Variants in RAI14 observed in about 807,000 individuals in gnomAD.
RAI14 encodes the protein ankycorbin.
A neutral mutation model predicts 115.4 loss-of-function variants in RAI14; 45 were observed. The ratio of observed to expected loss-of-function variants is 0.39; its 90% CI spans 0.31 to 0.50. RAI14 has a LOEUF of 0.50. RAI14 is among the 20% of genes least tolerant of loss of function. The pLI is 0.85. For synonymous variants in RAI14, 371 were observed against 415.4 expected (o/e 0.89, Z 1.30); for missense variants, 939 against 1,131.2 (o/e 0.83, Z 2.44).
chr5:34,668,928 C>T (rs1201996370), intron 1 of RAI14, among the ~76,000 whole-genome samples: 1 of 152,172 alleles, frequency 6.6e-6, no homozygotes, highest in Non-Finnish European at 1.5e-5. Flanking sequence ...ATCATCTCGG[C>T]TCACTGCAAC....
chr5:34,728,195 A>G (rs1201666167), intron 2 of RAI14, among the ~76,000 whole-genome samples: 2 of 152,234 alleles, frequency 1.3e-5, no homozygotes, highest in East Asian at 3.8e-4. Flanking sequence ...CACTGTATCT[A>G]GGAAGTAACC....
At chr5:34,765,506 C>T (rs1475188616) in intron 3 of RAI14, among the ~76,000 whole-genome samples, 1 of 152,102 alleles carries the variant, frequency 6.6e-6, no homozygotes, top group Non-Finnish European at 1.5e-5. Flanking sequence ...GCATTTTGCC[C>T]CTGCCCTAGT....
chr5:34,698,858 C>T (rs917038506), intron 2 of RAI14, among the ~76,000 whole-genome samples: 3 of 152,058 alleles, frequency 2.0e-5, no homozygotes, highest in Non-Finnish European at 4.4e-5. Context: ...AGGACTAGGG[C>T]CAGGGCTAGG....
chr5:34,670,304 T>C (rs1199982565), intron 1 of RAI14, among the ~76,000 whole-genome samples: 1 of 152,198 alleles, frequency 6.6e-6, no homozygotes, highest in Admixed American at 6.5e-5. Context: ...ACTTGAACCT[T>C]AGTTTAATCT....
At chr5:34,750,496 C>G (rs1448372261) in intron 2 of RAI14, among the ~76,000 whole-genome samples, 1 of 152,004 alleles carries the variant, frequency 6.6e-6, no homozygotes, top group African/African-American at 2.4e-5. Flanking sequence ...GACGAGGAAA[C>G]AGCAAGTGAG....
chr5:34,734,282 T>C (rs1055664657), intron 2 of RAI14, among the ~76,000 whole-genome samples: 2 of 152,340 alleles, frequency 1.3e-5, no homozygotes, highest in African/African-American at 2.4e-5. Context: ...CGAGCACTGC[T>C]CTTCCCTTGA....
At chr5:34,743,355 C>T (rs1471570061) in intron 2 of RAI14, among the ~76,000 whole-genome samples, 1 of 152,198 alleles carries the variant, frequency 6.6e-6, no homozygotes, top group African/African-American at 2.4e-5. Flanking sequence ...CCACTCTAAT[C>T]TCTGCCTCCA....
intron 2 of RAI14, among the ~76,000 whole-genome samples, chr5:34,722,346 G>T (rs1742869635): frequency 6.6e-6 from 1 of 151,284 alleles, no homozygotes; most frequent in Admixed American, 6.6e-5. Flanking sequence ...AAAAGTCCAT[G>T]TGGTGACACA....
chr5:34,764,159 A>G (rs1047625056), intron 3 of RAI14, among the ~76,000 whole-genome samples: 1 of 152,152 alleles, frequency 6.6e-6, no homozygotes, highest in African/African-American at 2.4e-5. Context: ...CAATCACCCT[A>G]AATTAAAACA....
chr5:34,819,436 C>T (rs974315938), intron 13 of RAI14, among the ~76,000 whole-genome samples: 5 of 152,270 alleles, frequency 3.3e-5, no homozygotes, highest in East Asian at 1.9e-4. Flanking sequence ...GGAGAACCCA[C>T]CATGCCACCT....
intron 2 of RAI14, among the ~76,000 whole-genome samples, chr5:34,693,444 A>G (rs529156543): frequency 6.6e-6 from 1 of 152,366 alleles, no homozygotes; most frequent in East Asian, 1.9e-4. Context: ...GTGAACACGT[A>G]TGGATGGCTG....
intron 2 of RAI14, among the ~76,000 whole-genome samples, chr5:34,700,571 G>A (rs1011443350): frequency 5.9e-5 from 9 of 152,276 alleles, no homozygotes; most frequent in Middle Eastern, 3.4e-3. Flanking sequence ...ACAGTTTATC[G>A]TCAACACCCT....
intron 2 of RAI14, among the ~76,000 whole-genome samples, chr5:34,739,063 A>G (rs1372975145): frequency 6.6e-6 from 1 of 152,226 alleles, no homozygotes. Flanking sequence ...TGTGAATATG[A>G]ACATCAGCTA....
rs6879931 is a variant in RAI14 at position 34,702,707 on chromosome 5, T to C, written c.36+15752T>C. ...CTTAAGGAAAGCTATGGCAAGTAAA[T>C]AGTCTTTTTGTTTTTTTGAGATGGA... On this transcript the variant is annotated intron_variant, in intron 2 of 17. Coordinates refer to ENST00000265109, the MANE Select transcript of RAI14 (RefSeq NM_015577.3). Among the ~76,000 whole-genome samples the C allele has an allele frequency of 5.9e-3, 895 of 152,280 alleles. 4 individuals are homozygous for C. Among genetic ancestry groups the C allele is most frequent in the Middle Eastern group, 0.044 (13 of 294 alleles).
In RAI14 at chr5:34,829,785, G is replaced by T. The variant is rs1448818977; in HGVS notation, c.2853G>T (p.Leu951=). Residue 951 remains leucine (L), a synonymous_variant, in exon 17 of 18, where the codon CTG becomes CTT. Coordinates refer to ENST00000265109, the MANE Select transcript of RAI14 (RefSeq NM_015577.3). Reference sequence around the variant, plus strand: ...TATCAGTTTACAGAATGCATCTTCTGTATGCTGTGCAGGTATGGTTATGCC... The same window carrying T: ...TATCAGTTTACAGAATGCATCTTCTTTATGCTGTGCAGGTATGGTTATGCC... ...EVISVYRMHL[L]YAVQGQMDED... 2.5e-6 allele frequency: 4 copies of T among 1,611,412 alleles called. No individual in the cohort carries two copies.
intron 2 of RAI14, among the ~76,000 whole-genome samples, chr5:34,704,667 T>G (rs1255272782): frequency 6.6e-6 from 1 of 151,766 alleles, no homozygotes; most frequent in African/African-American, 2.4e-5. Context: ...AGTTATATAC[T>G]CCTATCTATC....
intron 12 of RAI14, 34 bp downstream of exon 12, chr5:34,814,703 A>G: frequency 1.4e-6 from 2 of 1,466,116 alleles, no homozygotes; most frequent in East Asian, 2.3e-5. Flanking sequence ...TTGTTACTGT[A>G]TTTTAAGATA....
chr5:34,718,022 A>G (rs772220159), intron 2 of RAI14, among the ~76,000 whole-genome samples: 2 of 151,828 alleles, frequency 1.3e-5, no homozygotes, highest in Non-Finnish European at 2.9e-5. Flanking sequence ...GAGGATGGAG[A>G]AAAGCTCATT....
At chr5:34,681,983 G>C (rs1240456273) in intron 1 of RAI14, among the ~76,000 whole-genome samples, 1 of 151,688 alleles carries the variant, frequency 6.6e-6, no homozygotes, top group Non-Finnish European at 1.5e-5. Context: ...AGCCTCGGCA[G>C]TATCTGGGAT....
Sources: allele counts gnomAD v4.1 joint callset (sites outside exome capture counted in the v4.1 genomes callset), GRCh38; gene constraint gnomAD v4.1.1; transcripts MANE v1.5; gene names NCBI Gene and HGNC (gene_info 2026-07-23, HGNC 2026-07-21).